Variants in DCAF6 observed in about 807,000 individuals in gnomAD.
DCAF6 encodes DDB1- and CUL4-associated factor 6.
DCAF6 carries 54 observed loss-of-function variants against 125.1 expected under a neutral mutation model. The observed-to-expected ratio is 0.43, with a 90% confidence interval of 0.35 to 0.54. The LOEUF is 0.54. Ranked by LOEUF, DCAF6 falls within the 20% of genes least tolerant of loss-of-function variation. DCAF6 has a pLI of 0.01. For synonymous variants in DCAF6, 371 were observed against 390.4 expected, an observed-to-expected ratio of 0.95 and a Z score of 0.58; for missense variants, 934 against 1,161.7, an observed-to-expected ratio of 0.80 and a Z score of 2.85.
chr1:167,875,015 G>A, the DCAF6 span: 1 of 904,318 alleles, frequency 1.1e-6, no homozygotes, highest in South Asian at 1.4e-5. Context: ...CCTGGATGAT[G>A]ATTATATTTT....
chr1:167,897,997 C>CAAAAAAAAAAAAA, the DCAF6 span, among the ~76,000 whole-genome samples: 1 of 17,390 alleles, frequency 5.8e-5, no homozygotes, highest in East Asian at 3.6e-3. Flanking sequence ...GACTCTGTCT[C>CAAAAAAAAAAAAA]AAAAAAAAAA....
At chr1:167,902,821 A>C in the DCAF6 span, among the ~76,000 whole-genome samples, 1 of 152,238 alleles carries the variant, frequency 6.6e-6, no homozygotes, top group African/African-American at 2.4e-5. Flanking sequence ...AAGGGGACTA[A>C]AGTTTTCAGT....
chr1:168,063,285 T>G (rs564625447), intron 17 of DCAF6, among the ~76,000 whole-genome samples: 2 of 152,186 alleles, frequency 1.3e-5, no homozygotes, highest in Admixed American at 1.3e-4. Flanking sequence ...TGGATAAAAT[T>G]TGTTATATTT....
chr1:167,968,147 A>C (rs1291866974), intron 3 of DCAF6, among the ~76,000 whole-genome samples: 1 of 152,202 alleles, frequency 6.6e-6, no homozygotes, highest in African/African-American at 2.4e-5. Context: ...TGATTGTATC[A>C]GTCGGGTTCT....
the DCAF6 span, among the ~76,000 whole-genome samples, chr1:167,916,222 T>C: frequency 1.3e-5 from 1 of 79,426 alleles, no homozygotes; most frequent in Admixed American, 1.1e-4. Context: ...TGTTACTTTT[T>C]GAGATGGGAG....
chr1:167,913,054 A>G, the DCAF6 span, among the ~76,000 whole-genome samples: 1 of 152,182 alleles, frequency 6.6e-6, no homozygotes, highest in African/African-American at 2.4e-5. Flanking sequence ...ATTTAAGAGC[A>G]CTTTCAATGC....
At chr1:168,073,063 C>T (rs946062340) in intron 21 of DCAF6, among the ~76,000 whole-genome samples, 1 of 152,124 alleles carries the variant, frequency 6.6e-6, no homozygotes, top group African/African-American at 2.4e-5. Flanking sequence ...GTAGTCCCAG[C>T]TACTCGGGAG....
the DCAF6 span, among the ~76,000 whole-genome samples, chr1:167,922,897 T>C: frequency 6.6e-6 from 1 of 152,176 alleles, no homozygotes; most frequent in Non-Finnish European, 1.5e-5. Flanking sequence ...AGGACTTGAA[T>C]AAATATTTCT....
chr1:167,909,919 G>C, the DCAF6 span, among the ~76,000 whole-genome samples: 1 of 151,690 alleles, frequency 6.6e-6, no homozygotes, highest in Non-Finnish European at 1.5e-5. Flanking sequence ...TCAGTGGCAA[G>C]ACCAGCCGGC....
At chr1:167,928,881 T>C in the DCAF6 span, among the ~76,000 whole-genome samples, 1 of 152,006 alleles carries the variant, frequency 6.6e-6, no homozygotes, top group African/African-American at 2.4e-5. Flanking sequence ...TGAAGAAAAA[T>C]CTCCTCATAA....
At chr1:167,928,492 TAC>T in the DCAF6 span, among the ~76,000 whole-genome samples, 1 of 152,182 alleles carries the variant, frequency 6.6e-6, no homozygotes, top group Admixed American at 6.5e-5. Flanking sequence ...ATAAAACAGA[TAC>T]AGAGGCTGTC....
chr1:168,006,342 C>A (rs1299621435), intron 10 of DCAF6, among the ~76,000 whole-genome samples: 1 of 152,022 alleles, frequency 6.6e-6, no homozygotes, highest in African/African-American at 2.4e-5. Flanking sequence ...TACTTTTACT[C>A]ATAAATTATT....
chr1:168,073,919 A>G (rs1310442805), intron 21 of DCAF6, among the ~76,000 whole-genome samples: 1 of 150,176 alleles, frequency 6.7e-6, no homozygotes, highest in East Asian at 2.0e-4. Flanking sequence ...TGATCTATAA[A>G]GGTCTATTCA....
intron 12 of DCAF6, among the ~76,000 whole-genome samples, chr1:168,033,417 G>A (rs1183782156): frequency 6.7e-6 from 1 of 149,304 alleles, no homozygotes; most frequent in Admixed American, 6.7e-5. Flanking sequence ...CCGGGTTCAC[G>A]CCATTCTCCT....
the DCAF6 span, chr1:167,893,775 T>C: frequency 1.0e-6 from 1 of 959,214 alleles, no homozygotes; most frequent in Non-Finnish European, 1.6e-6. Context: ...CTGCTGTTTT[T>C]TTTTTCTTAA....
At chr1:167,899,360 T>G in the DCAF6 span, 1 of 1,538,098 alleles carries the variant, frequency 6.5e-7, no homozygotes, top group Non-Finnish European at 9.0e-7. Flanking sequence ...CAGTGACTCT[T>G]CTGGCAGGGG....
At chr1:168,032,452 A>T (rs76397675) in intron 12 of DCAF6, among the ~76,000 whole-genome samples, 1 of 152,202 alleles carries the variant, frequency 6.6e-6, no homozygotes, top group Non-Finnish European at 1.5e-5. Context: ...TCCCTGACCT[A>T]TGAACATGGA....
chr1:167,944,336 G>C (rs1672732887), intron 1 of DCAF6, among the ~76,000 whole-genome samples: 2 of 152,126 alleles, frequency 1.3e-5, no homozygotes, highest in Non-Finnish European at 2.9e-5. Flanking sequence ...AAATCTAGTA[G>C]TGGGATTGCT....
chr1:167,898,921 C>G, the DCAF6 span, among the ~76,000 whole-genome samples: 793 of 152,246 alleles, frequency 5.2e-3, 8 homozygotes, highest in African/African-American at 0.018. Context: ...TATAGTCAAT[C>G]TGCAACTTAA....
Sources: allele counts gnomAD v4.1 joint callset (sites outside exome capture counted in the v4.1 genomes callset), GRCh38; gene constraint gnomAD v4.1.1; transcripts MANE v1.5; gene names NCBI Gene and HGNC (gene_info 2026-07-23, HGNC 2026-07-21).